MVK: variants seen among roughly 807,000 people sequenced by gnomAD.
MVK encodes the protein mevalonate kinase.
In MVK, 34 loss-of-function variants were observed where a neutral mutation model predicts 43.2. The ratio of observed to expected loss-of-function variants is 0.79; its 90% CI spans 0.60 to 1.05. The LOEUF is 1.05. Among genes scored for constraint, MVK ranks in the 50% least tolerant of loss-of-function variants. The probability of loss-of-function intolerance (pLI) is 0.00; values close to 1 mark genes in which losing one functional copy is unlikely to be tolerated. For missense variants in MVK, 395 were observed against 504.0 expected (o/e 0.78, Z 2.07); for synonymous variants, 190 against 219.8 (o/e 0.86, Z 1.20).
intron 3 of MVK, among the ~76,000 whole-genome samples, chr12:109,577,063 T>C (rs1884990098): frequency 6.6e-6 from 1 of 152,184 alleles, no homozygotes. Context: ...GATAGAAAGA[T>C]TGATAGAGAC....
intron 3 of MVK, among the ~76,000 whole-genome samples, chr12:109,578,985 C>G (rs1885083244): frequency 6.6e-6 from 1 of 152,138 alleles, no homozygotes; most frequent in African/African-American, 2.4e-5. Context: ...TGATGATTAT[C>G]TTTTGGAGGA....
In MVK at chr12:109,581,407, C is replaced by G. The variant is rs989171103; in HGVS notation, c.384C>G (p.Ser128Arg). The G allele has an allele frequency of 6.2e-7, 1 of 1,613,930 alleles. No homozygotes were observed. The highest frequency in any genetic ancestry group is 8.5e-7 in the Non-Finnish European group (1 of 1,180,028). ...TGGTGTGTTTCAGGGCCCTGCCGAG[C>G]CTGGATATCGTAGTGTGGTCGGAGC... ...SICRKQRALP[S>R]LDIVVWSELP... Residue 128 changes from serine (S) to arginine (R), a missense_variant, in exon 5 of 11, where the codon AGC becomes AGG. By Grantham distance (110) the Ser-to-Arg change is moderately radical (BLOSUM62 -1). Transcript: ENST00000228510.
At chr12:109,586,257 A>G (rs1236523197) in intron 6 of MVK, 132 bp downstream of exon 6, 9 of 799,968 alleles carry the variant, frequency 1.1e-5, no homozygotes, top group East Asian at 2.7e-5. Context: ...GCATTTTCCT[A>G]TTTTGGGGGG....
chr12:109,582,031 A>G (rs68024411), intron 5 of MVK, among the ~76,000 whole-genome samples: 8,148 of 152,286 alleles, frequency 0.054, 301 homozygotes, highest in Non-Finnish European at 0.082. Context: ...GGGTGTGCCC[A>G]TTAGACTAGG....
chr12:109,574,141 A>G (rs955526906), intron 1 of MVK, among the ~76,000 whole-genome samples: 3 of 152,166 alleles, frequency 2.0e-5, no homozygotes, highest in Non-Finnish European at 4.4e-5. Flanking sequence ...AATCTACGTA[A>G]AGCCTTAAGC....
rs1385768679 is a variant in MVK, at chr12:109,576,134, C to T, written c.215C>T (p.Thr72Ile). The change falls in exon 3 of 11, where the codon ACA becomes ATA. Residue 72 changes from threonine to isoleucine, a missense_variant. Transcript: ENST00000228510. The stretch of plus-strand genomic sequence containing the variant: ...GTGGCCAGGCTTCAGTCACTGGACA[C>T]AAGCTTTCTGGGTGAGTGCAAGGAG... Reference protein sequence around the residue: ...WDVARLQSLDTSFLEQGDVTT... With the variant: ...WDVARLQSLDISFLEQGDVTT... 2 of 1,614,160 alleles carry T rather than the reference C, an allele frequency of 1.2e-6. No individual in the cohort carries two copies. The highest frequency in any genetic ancestry group is 3.3e-5 in the Admixed American group (2 of 60,016).
rs104895322 is a variant in MVK at position 109,574,893 on chromosome 12, A to AT, written c.72dup (p.Gly25TrpfsTer55). 2.5e-6 allele frequency: 4 copies of AT among 1,608,580 alleles called. No individual in the cohort carries two copies. The highest frequency in any genetic ancestry group is 3.4e-6 in the Non-Finnish European group (4 of 1,177,482). ...CTTCATGGAGAACATGCCGTGGTAC[A>AT]TGGCAAGGTACAAAGCCGTTAGAGC... On this transcript the variant is annotated frameshift_variant, in exon 2 of 11. Transcript: ENST00000228510. LOFTEE classifies it high-confidence loss of function.
intron 3 of MVK, among the ~76,000 whole-genome samples, chr12:109,577,362 C>A (rs150321305): frequency 1.3e-5 from 2 of 152,166 alleles, no homozygotes. Flanking sequence ...AAATGAGAAT[C>A]TTTTTGGGTT....
rs374187676 is a variant in MVK, at chr12:109,591,309, G to A, written c.837G>A (p.Leu279=). 3.1e-6 allele frequency: 5 copies of A among 1,614,256 alleles called. No individual in the cohort carries two copies. In the African/African-American group the frequency reaches 5.3e-5, roughly 17 times the overall value. ...DAISLECERV[L]GEMGEAPAPE... ...TCTCCCTGGAGTGTGAGCGCGTGCT[G>A]GGAGAGATGGGGGAAGCCCCAGCCC... is the stretch of plus-strand genomic sequence containing the variant. The change falls in exon 9 of 11, where the codon CTG becomes CTA. Residue 279 remains leucine (L), a synonymous_variant. Coordinates refer to ENST00000228510, the MANE Select transcript of MVK (RefSeq NM_000431.4).
intron 7 of MVK, 73 bp from the exon 8 acceptor site, chr12:109,590,698 G>A (rs1032481812): frequency 2.6e-5 from 37 of 1,445,074 alleles, no homozygotes; most frequent in Middle Eastern, 2.1e-4. Flanking sequence ...GCGGCTTCCC[G>A]GACTGCTCCC....
chr12:109,590,802 A>G lies in MVK; in HGVS notation c.709A>G (p.Thr237Ala). The change falls in exon 8 of 11, where the codon ACC (threonine) becomes GCC (alanine). Residue 237 changes from threonine (T) to alanine (A), a missense_variant. Transcript: ENST00000228510. The part of the protein sequence containing the change: ...SPALQILLTN[T>A]KVPRNTRALV... ...AGCTCTCCAGATCCTGCTGACCAAC[A>G]CCAAAGTCCCTCGCAATACCAGGGC... The G allele has an allele frequency of 6.2e-7, 1 of 1,614,108 alleles. No individual in the cohort carries two copies.
At chr12:109,583,617 A>G (rs1486490374) in intron 5 of MVK, among the ~76,000 whole-genome samples, 5 of 152,214 alleles carry the variant, frequency 3.3e-5, no homozygotes, top group Non-Finnish European at 5.9e-5. Flanking sequence ...TATACCCAGT[A>G]ATGGGATGGC....
At chr12:109,579,425 C>T (rs574606782) in intron 3 of MVK, 280 of 358,638 alleles carry the variant, frequency 7.8e-4, no homozygotes, top group African/African-American at 5.6e-3. Flanking sequence ...CAGGCATAAG[C>T]GCCTGCACCC....
At chr12:109,586,625 C>A in intron 6 of MVK, 129 bp from the exon 7 acceptor site, 1 of 991,478 alleles carries the variant, frequency 1.0e-6, no homozygotes, top group Non-Finnish European at 1.6e-6. Flanking sequence ...TGAAGCTGGG[C>A]TGACTCATTA....
At chr12:109,585,263 A>G (rs1031398892) in intron 5 of MVK, among the ~76,000 whole-genome samples, 1 of 152,196 alleles carries the variant, frequency 6.6e-6, no homozygotes, top group East Asian at 1.9e-4. Context: ...GCCCTGGGAA[A>G]GAGTCACACC....
At chr12:109,593,716 A>ATTTTTTT (rs33948292) in intron 9 of MVK, among the ~76,000 whole-genome samples, 4 of 110,402 alleles carry the variant, frequency 3.6e-5, no homozygotes, top group African/African-American at 1.5e-4. Context: ...AAAGAAGCAG[A>ATTTTTTT]TTTTTTTTTT....
intron 5 of MVK, among the ~76,000 whole-genome samples, chr12:109,585,565 C>T (rs1885399423): frequency 6.6e-6 from 1 of 152,038 alleles, no homozygotes; most frequent in African/African-American, 2.4e-5. Flanking sequence ...AGCGGGCGTT[C>T]GAGACCAGCC....
intron 6 of MVK, among the ~76,000 whole-genome samples, 195 bp downstream of exon 6, chr12:109,586,320 G>A (rs992860124): frequency 7.9e-5 from 12 of 152,196 alleles, no homozygotes; most frequent in Non-Finnish European, 1.3e-4. Flanking sequence ...CAGAATCTCC[G>A]GGGGTGGAAC....
rs1217542885 is a variant in MVK at position 109,576,009 on chromosome 12, T to C, written c.90T>C (p.Ala30=). The C allele has an allele frequency of 1.9e-6, 3 of 1,614,118 alleles. No homozygotes were observed. Among genetic ancestry groups the C allele is most frequent in the African/African-American group, 1.3e-5 (1 of 74,942 alleles). The change falls in exon 3 of 11, where the codon GCT becomes GCC. Residue 30 remains alanine, a synonymous_variant. Transcript: ENST00000228510. The part of the protein sequence containing the change: ...HAVVHGKVAL[A]VSLNLRTFLR... ...CATTTATTCTATAGGTAGCACTGGC[T>C]GTATCCTTGAACTTGAGAACATTCC...
Sources: allele counts gnomAD v4.1 joint callset (sites outside exome capture counted in the v4.1 genomes callset), GRCh38; gene constraint gnomAD v4.1.1; transcripts MANE v1.5; gene names NCBI Gene and HGNC (gene_info 2026-07-23, HGNC 2026-07-21).